PPARGC1A: variants seen among roughly 807,000 people sequenced by gnomAD.
PPARGC1A encodes the protein peroxisome proliferator-activated receptor gamma coactivator 1-alpha.
In PPARGC1A, 25 loss-of-function variants were observed where a neutral mutation model predicts 88.7. That is an observed-to-expected ratio of 0.28 (90% CI 0.21 to 0.39). The LOEUF (loss-of-function observed/expected upper bound fraction) is 0.39. Among genes scored for constraint, PPARGC1A ranks in the 10% least tolerant of loss-of-function variants. The probability of loss-of-function intolerance (pLI) is 1.00; values close to 1 mark genes in which losing one functional copy is unlikely to be tolerated. For missense variants in PPARGC1A, 880 were observed against 968.7 expected (o/e 0.91, Z 1.22); for synonymous variants, 363 against 355.6 (o/e 1.02, Z -0.24).
At chr4:23,940,219 A>G in the PPARGC1A span, among the ~76,000 whole-genome samples, 3 of 152,364 alleles carry the variant, frequency 2.0e-5, no homozygotes, top group East Asian at 5.8e-4. Context: ...ATCGACAGAC[A>G]TGAAAAAATA....
chr4:24,031,499 G>A, the PPARGC1A span, among the ~76,000 whole-genome samples: 1 of 151,758 alleles, frequency 6.6e-6, no homozygotes, highest in Non-Finnish European at 1.5e-5. Flanking sequence ...ATTAACTGTG[G>A]ACCTGAGCAT....
the PPARGC1A span, among the ~76,000 whole-genome samples, chr4:24,392,410 C>T: frequency 3.3e-5 from 5 of 152,186 alleles, no homozygotes; most frequent in African/African-American, 1.2e-4. Context: ...ACCATGATGC[C>T]TCATGCCTGT....
At chr4:24,055,063 C>T in the PPARGC1A span, among the ~76,000 whole-genome samples, 11 of 152,306 alleles carry the variant, frequency 7.2e-5, no homozygotes, top group African/African-American at 1.9e-4. Flanking sequence ...AACATCACCC[C>T]GGATATTGCA....
chr4:24,091,005 G>C, the PPARGC1A span, among the ~76,000 whole-genome samples: 4 of 152,116 alleles, frequency 2.6e-5, no homozygotes, highest in Non-Finnish European at 4.4e-5. Flanking sequence ...AATAAGGAAG[G>C]CACGCAAGCT....
At chr4:24,360,650 G>C in the PPARGC1A span, among the ~76,000 whole-genome samples, 1 of 152,312 alleles carries the variant, frequency 6.6e-6, no homozygotes, top group African/African-American at 2.4e-5. Flanking sequence ...GCAATGCAGT[G>C]CTGGGAGAAA....
chr4:24,394,914 T>C, the PPARGC1A span, among the ~76,000 whole-genome samples: 1 of 152,184 alleles, frequency 6.6e-6, no homozygotes, highest in African/African-American at 2.4e-5. Context: ...GCAAATAATA[T>C]AGAGCTTGGG....
chr4:24,310,622 G>A, the PPARGC1A span, among the ~76,000 whole-genome samples: 2 of 151,994 alleles, frequency 1.3e-5, no homozygotes, highest in Admixed American at 1.3e-4. Flanking sequence ...ATTTCAGCTG[G>A]CATCCAAAAA....
chr4:23,896,568 A>G (rs1718627325), intron 1 of PPARGC1A, among the ~76,000 whole-genome samples: 1 of 152,158 alleles, frequency 6.6e-6, no homozygotes, highest in Non-Finnish European at 1.5e-5. Flanking sequence ...GAAGGAAGCT[A>G]TCAGCTACTA....
At chr4:23,949,301 A>G in the PPARGC1A span, among the ~76,000 whole-genome samples, 1 of 152,172 alleles carries the variant, frequency 6.6e-6, no homozygotes, top group African/African-American at 2.4e-5. Context: ...GAAACAAAGA[A>G]AACATAACGA....
At chr4:23,818,015 C>T (rs1722294755) in intron 7 of PPARGC1A, among the ~76,000 whole-genome samples, 1 of 152,166 alleles carries the variant, frequency 6.6e-6, no homozygotes, top group African/African-American at 2.4e-5. Flanking sequence ...CAACTTTCCC[C>T]CCTGAAGTAA....
chr4:24,391,603 T>G, the PPARGC1A span, among the ~76,000 whole-genome samples: 1 of 152,158 alleles, frequency 6.6e-6, no homozygotes, highest in Non-Finnish European at 1.5e-5. Flanking sequence ...AAAATTAAAT[T>G]CTTCAATCTC....
the PPARGC1A span, among the ~76,000 whole-genome samples, chr4:24,165,569 A>G: frequency 1.3e-5 from 2 of 152,318 alleles, no homozygotes; most frequent in East Asian, 3.9e-4. Context: ...GTCTGTCAGC[A>G]CCACTTTTCC....
At chr4:24,151,076 C>T in the PPARGC1A span, among the ~76,000 whole-genome samples, 5 of 152,214 alleles carry the variant, frequency 3.3e-5, no homozygotes, top group Non-Finnish European at 4.4e-5. Flanking sequence ...GTTGTGAAAA[C>T]ATCGTTGCCT....
the PPARGC1A span, among the ~76,000 whole-genome samples, chr4:24,371,253 T>C: frequency 6.6e-6 from 1 of 152,230 alleles, no homozygotes; most frequent in Non-Finnish European, 1.5e-5. Context: ...CATGTGCATG[T>C]GTCTTTATAG....
At chr4:23,966,794 T>C in the PPARGC1A span, among the ~76,000 whole-genome samples, 4 of 152,350 alleles carry the variant, frequency 2.6e-5, no homozygotes, top group Admixed American at 2.0e-4. Flanking sequence ...GAAGTTATTA[T>C]GCCTCAACCA....
At chr4:24,430,255 C>CTTTTTTTTTTTTTTTT in the PPARGC1A span, among the ~76,000 whole-genome samples, 1 of 110,774 alleles carries the variant, frequency 9.0e-6, no homozygotes, top group East Asian at 2.5e-4. Context: ...TTTTGTATTT[C>CTTTTTTTTTTTTTTTT]TTTTTTTTTT....
At chr4:23,959,180 C>T in the PPARGC1A span, among the ~76,000 whole-genome samples, 19,667 of 151,974 alleles carry the variant, frequency 0.13, 1,480 homozygotes, top group East Asian at 0.25. Flanking sequence ...ATCGAAGGGG[C>T]GGCATTGCCC....
chr4:24,313,132 A>C, the PPARGC1A span, among the ~76,000 whole-genome samples: 2 of 152,232 alleles, frequency 1.3e-5, no homozygotes, highest in Non-Finnish European at 2.9e-5. Context: ...CTTTAAGTGC[A>C]TCAGAAATAA....
At chr4:24,284,979 G>A in the PPARGC1A span, among the ~76,000 whole-genome samples, 4 of 152,044 alleles carry the variant, frequency 2.6e-5, no homozygotes, top group South Asian at 2.1e-4. Flanking sequence ...AGTGAGCCAC[G>A]ATCGGGCCAC....
Sources: allele counts gnomAD v4.1 joint callset (sites outside exome capture counted in the v4.1 genomes callset), GRCh38; gene constraint gnomAD v4.1.1; transcripts MANE v1.5; gene names NCBI Gene and HGNC (gene_info 2026-07-23, HGNC 2026-07-21).